The following LRRC7 variants were observed in gnomAD, a reference collection of about 807,000 sequenced individuals.
LRRC7 encodes leucine-rich repeat-containing protein 7.
A neutral mutation model predicts 175.7 loss-of-function variants in LRRC7; 23 were observed. That is an observed-to-expected ratio of 0.13 (90% confidence interval 0.09 to 0.19). The LOEUF (loss-of-function observed/expected upper bound fraction) is 0.19. LRRC7 is among the 10% of genes least tolerant of loss of function. The pLI is 1.00. For missense variants in LRRC7, 1,354 were observed against 1,904.7 expected, an observed-to-expected ratio of 0.71 and a Z score of 5.38; for synonymous variants, 685 against 680.9, an observed-to-expected ratio of 1.01 and a Z score of -0.09.
intron 10 of LRRC7, among the ~76,000 whole-genome samples, chr1:69,991,166 AAAAAC>A (rs1408719079): frequency 2.0e-5 from 3 of 152,076 alleles, no homozygotes; most frequent in Admixed American, 2.0e-4. Flanking sequence ...AAAAAAAAAA[AAAAAC>A]AAACTGGTAG....
At chr1:69,960,153 A>G (rs944868132) in intron 8 of LRRC7, among the ~76,000 whole-genome samples, 1 of 151,946 alleles carries the variant, frequency 6.6e-6, no homozygotes, top group African/African-American at 2.4e-5. Context: ...TACTGTCTCA[A>G]TTTCAGAACT....
At position 70,038,113 on chromosome 1, in the gene LRRC7, G is replaced by A; in HGVS notation, c.2289G>A (p.Arg763=). Residue 763 remains arginine (R), a splice_region_variant and synonymous_variant, in exon 21 of 27, where the codon AGG becomes AGA. Coordinates refer to ENST00000651989, the MANE Select transcript of LRRC7 (RefSeq NM_001370785.2). ...TTTCTTCTTCCCATTGTGTTCACAGGATTGCACCATCTTTCCCACAGCCTC... is the reference window on the plus strand; with the variant it reads ...TTTCTTCTTCCCATTGTGTTCACAGAATTGCACCATCTTTCCCACAGCCTC... ...DAVHNSLWGN[R]IAPSFPQPLD... 1 of 1,603,920 alleles carries A rather than the reference G, an allele frequency of 6.2e-7. No individual in the cohort carries two copies. Among genetic ancestry groups the A allele is most frequent in the Non-Finnish European group, 8.5e-7 (1 of 1,175,104 alleles).
intron 11 of LRRC7, among the ~76,000 whole-genome samples, chr1:69,997,056 G>C (rs1344874756): frequency 6.6e-6 from 1 of 152,084 alleles, no homozygotes; most frequent in African/African-American, 2.4e-5. Context: ...CCATTTGTTT[G>C]TATCCTCTTT....
chr1:69,668,835 A>G (rs1198852796), intron 1 of LRRC7, among the ~76,000 whole-genome samples: 1 of 152,166 alleles, frequency 6.6e-6, no homozygotes, highest in Non-Finnish European at 1.5e-5. Context: ...AATGATCACC[A>G]TTCTAATTGG....
At chr1:69,856,948 G>C (rs1193806688) in intron 7 of LRRC7, among the ~76,000 whole-genome samples, 18 of 152,118 alleles carry the variant, frequency 1.2e-4, no homozygotes, top group Non-Finnish European at 1.5e-5. Context: ...GGGACGCAAG[G>C]CTGGTTCAAC....
At chr1:69,954,432 A>G (rs1650281682) in intron 8 of LRRC7, among the ~76,000 whole-genome samples, 1 of 152,052 alleles carries the variant, frequency 6.6e-6, no homozygotes, top group Non-Finnish European at 1.5e-5. Context: ...TTAATGACCA[A>G]TAAGGGGTCC....
At chr1:70,101,954 G>GCTTC (rs1664834588) in intron 25 of LRRC7, among the ~76,000 whole-genome samples, 1 of 152,166 alleles carries the variant, frequency 6.6e-6, no homozygotes, top group African/African-American at 2.4e-5. Flanking sequence ...TTTGAAAGGA[G>GCTTC]CTTCCAGTAC....
chr1:69,900,658 G>A (rs1646110356), intron 7 of LRRC7, among the ~76,000 whole-genome samples: 1 of 152,038 alleles, frequency 6.6e-6, no homozygotes, highest in Non-Finnish European at 1.5e-5. Flanking sequence ...TCACTAATAT[G>A]AAAATTCAAA....
intron 3 of LRRC7, among the ~76,000 whole-genome samples, chr1:69,788,356 G>T (rs185124611): frequency 1.8e-3 from 274 of 152,292 alleles, no homozygotes; most frequent in Non-Finnish European, 3.2e-3. Context: ...GAGTGTGAGG[G>T]TGTTTAGTTT....
At chr1:70,070,468 G>A (rs1274246496) in intron 23 of LRRC7, among the ~76,000 whole-genome samples, 3 of 151,868 alleles carry the variant, frequency 2.0e-5, no homozygotes, top group Non-Finnish European at 4.4e-5. Flanking sequence ...TTTTTATTTG[G>A]TTTGAGATCT....
At chr1:69,988,586 C>T (rs1483448532) in intron 10 of LRRC7, among the ~76,000 whole-genome samples, 1 of 152,136 alleles carries the variant, frequency 6.6e-6, no homozygotes, top group African/African-American at 2.4e-5. Context: ...GGACTTTAAG[C>T]ACAACAGAGG....
chr1:69,595,264 A>G (rs1646794948), intron 1 of LRRC7, among the ~76,000 whole-genome samples: 1 of 152,136 alleles, frequency 6.6e-6, no homozygotes, highest in African/African-American at 2.4e-5. Context: ...TAGTAAAAAT[A>G]CAAAAATTAG....
intron 1 of LRRC7, among the ~76,000 whole-genome samples, chr1:69,599,160 A>G (rs1646956715): frequency 6.6e-6 from 1 of 151,782 alleles, no homozygotes; most frequent in Non-Finnish European, 1.5e-5. Context: ...AGGGCCAGAT[A>G]GGATAAGTAA....
chr1:70,086,461 T>C (rs149574319), intron 24 of LRRC7, among the ~76,000 whole-genome samples: 8 of 152,278 alleles, frequency 5.3e-5, no homozygotes, highest in Non-Finnish European at 8.8e-5. Flanking sequence ...GGCCAAACCA[T>C]TCATTCTTTA....
intron 4 of LRRC7, among the ~76,000 whole-genome samples, chr1:69,809,104 C>G (rs1677497504): frequency 1.3e-5 from 2 of 151,836 alleles, no homozygotes; most frequent in South Asian, 4.2e-4. Context: ...CACCACTGAC[C>G]CCACAAAAAT....
chr1:69,863,351 C>A (rs1336733178), intron 7 of LRRC7, among the ~76,000 whole-genome samples: 2 of 152,140 alleles, frequency 1.3e-5, no homozygotes, highest in Non-Finnish European at 2.9e-5. Context: ...ATTATAAATT[C>A]TCTTATTTTT....
At position 70,126,676 on chromosome 1, in the gene LRRC7, C is replaced by T. The variant is rs948665549; in HGVS notation, c.*4789C>T. On this transcript the variant is annotated 3_prime_UTR_variant, in exon 27 of 27. Coordinates refer to ENST00000651989, the MANE Select transcript of LRRC7 (RefSeq NM_001370785.2). ...TGTGGGCTGTGGACAAATAGATGTG[C>T]GCTATGTATAGAAAGCATGTGGGTC... is the stretch of plus-strand genomic sequence containing the variant. 5.9e-5 allele frequency among the ~76,000 whole-genome samples: 9 copies of T among 152,128 alleles called. No individual in the cohort carries two copies. The highest frequency in any genetic ancestry group is 2.0e-4 in the Admixed American group (3 of 15,274).
intron 8 of LRRC7, among the ~76,000 whole-genome samples, chr1:69,966,383 G>A (rs2101856275): frequency 6.6e-6 from 1 of 151,964 alleles, no homozygotes; most frequent in Admixed American, 6.5e-5. Flanking sequence ...AAAGGTCTCT[G>A]GTATTTTACT....
At chr1:69,677,226 A>ACATATATTATATATGTTATATATATAT (rs1659883565) in intron 1 of LRRC7, among the ~76,000 whole-genome samples, 1 of 141,248 alleles carries the variant, frequency 7.1e-6, no homozygotes, top group African/African-American at 2.5e-5. Context: ...ATAATATATA[A>ACATATATTATATATGTTATATATATAT]CATATATTAT....
Sources: gnomAD v4.1 joint callset for allele counts (sites outside exome capture counted in the v4.1 genomes callset) on GRCh38, gnomAD v4.1.1 for gene constraint, MANE v1.5 for transcripts, NCBI Gene and HGNC (gene_info 2026-07-23, HGNC 2026-07-21) for gene names.